ST8SIA4: variants seen among roughly 807,000 people sequenced by gnomAD.
ST8SIA4 encodes ST8 alpha-N-acetyl-neuraminide alpha-2,8-sialyltransferase 4.
In ST8SIA4, 15 loss-of-function variants were observed where a neutral mutation model predicts 33.9. The observed-to-expected ratio is 0.44, with a 90% CI of 0.30 to 0.68. ST8SIA4 has a LOEUF of 0.68. Among genes scored for constraint, ST8SIA4 ranks in the 30% least tolerant of loss-of-function variants. The pLI is 0.10. For missense variants in ST8SIA4, 321 were observed against 428.0 expected (o/e 0.75, Z 2.21); for synonymous variants, 171 against 151.2 (o/e 1.13, Z -0.96).
intron 3 of ST8SIA4, among the ~76,000 whole-genome samples, chr5:100,865,421 C>A (rs1173545199): frequency 6.6e-6 from 1 of 152,104 alleles, no homozygotes; most frequent in Non-Finnish European, 1.5e-5. Flanking sequence ...TGTTACTAGA[C>A]ATATTCTCTC....
intron 4 of ST8SIA4, among the ~76,000 whole-genome samples, chr5:100,817,389 C>A (rs1410037084): frequency 6.6e-6 from 1 of 152,002 alleles, no homozygotes; most frequent in Admixed American, 6.6e-5. Flanking sequence ...TCAAAAATCA[C>A]AGTATGGAGC....
At chr5:100,820,237 T>C (rs1751009632) in intron 4 of ST8SIA4, among the ~76,000 whole-genome samples, 1 of 152,130 alleles carries the variant, frequency 6.6e-6, no homozygotes, top group Non-Finnish European at 1.5e-5. Flanking sequence ...TTCATCCAAC[T>C]ATAGCAGTAG....
In ST8SIA4 at chr5:100,872,861, C is replaced by T. The variant is rs1156935070; in HGVS notation, c.503+13482G>A. 2.1e-5 allele frequency among the ~76,000 whole-genome samples: 3 copies of T among 144,194 alleles called. No homozygotes were observed. The Admixed American group carries it at 2.1e-4, about 10-fold the overall frequency. 94.6% of individuals were successfully genotyped at this position (144,194 alleles called of 152,430 possible). On this transcript the variant is annotated intron_variant, in intron 3 of 4. Coordinates refer to ENST00000231461, the MANE Select transcript of ST8SIA4 (RefSeq NM_005668.6). ...AGTGTACCAATCTTGGTGCTAGGTC[C>T]TAAAGATATGGGCTAAAAAAAAAAA...
chr5:100,866,333 C>T (rs1378708552), intron 3 of ST8SIA4, among the ~76,000 whole-genome samples: 1 of 151,862 alleles, frequency 6.6e-6, no homozygotes, highest in African/African-American at 2.4e-5. Flanking sequence ...AAATATTTGC[C>T]AAAATGAATG....
At chr5:100,895,587 G>T in intron 2 of ST8SIA4, 67 bp downstream of exon 2, 3 of 1,504,234 alleles carry the variant, frequency 2.0e-6, no homozygotes, top group Non-Finnish European at 2.7e-6. Context: ...TTGAATACAA[G>T]TTTGCCAAGC....
chr5:100,816,487 A>G (rs764427301), intron 4 of ST8SIA4: 2 of 523,736 alleles, frequency 3.8e-6, no homozygotes, highest in African/African-American at 3.9e-5. Context: ...TAGAAGTATT[A>G]CATTGGTGCA....
chr5:100,849,211 C>T, intron 4 of ST8SIA4: 2 of 985,242 alleles, frequency 2.0e-6, no homozygotes, highest in Non-Finnish European at 2.4e-6. Context: ...GGACAAAGTT[C>T]AGAACCAGTG....
chr5:100,872,176 T>C (rs1226632497), intron 3 of ST8SIA4, among the ~76,000 whole-genome samples: 1 of 152,072 alleles, frequency 6.6e-6, no homozygotes, highest in Non-Finnish European at 1.5e-5. Context: ...AGTTATATTC[T>C]TTTTAAAAAA....
At chr5:100,872,016 C>T (rs1282859441) in intron 3 of ST8SIA4, among the ~76,000 whole-genome samples, 1 of 152,006 alleles carries the variant, frequency 6.6e-6, no homozygotes, top group Non-Finnish European at 1.5e-5. Context: ...CTCTTATGTA[C>T]TAATTTTGAA....
intron 4 of ST8SIA4, among the ~76,000 whole-genome samples, chr5:100,853,647 A>T (rs1751749367): frequency 6.6e-6 from 1 of 152,244 alleles, no homozygotes; most frequent in African/African-American, 2.4e-5. Context: ...AAAAGTGAAT[A>T]GGACAAAAGA....
At chr5:100,887,292 T>G (rs1752559790) in intron 2 of ST8SIA4, among the ~76,000 whole-genome samples, 1 of 152,074 alleles carries the variant, frequency 6.6e-6, no homozygotes, top group African/African-American at 2.4e-5. Flanking sequence ...TTTTTTCTCT[T>G]CTTCCTTCTA....
intron 1 of ST8SIA4, 44 bp downstream of exon 1, chr5:100,902,799 G>C (rs765441809): frequency 2.0e-6 from 3 of 1,503,228 alleles, no homozygotes; most frequent in Non-Finnish European, 2.8e-6. Flanking sequence ...TTTCATTTAT[G>C]GCTTGACTTT....
intron 3 of ST8SIA4, among the ~76,000 whole-genome samples, chr5:100,864,654 G>T (rs1352333298): frequency 6.6e-6 from 1 of 151,394 alleles, no homozygotes; most frequent in Non-Finnish European, 1.5e-5. Flanking sequence ...TACTAATGCG[G>T]GGAGGTATCT....
chr5:100,827,800 T>C (rs975940330), intron 4 of ST8SIA4, among the ~76,000 whole-genome samples: 5 of 152,154 alleles, frequency 3.3e-5, no homozygotes, highest in African/African-American at 1.2e-4. Context: ...GTCACTCTAG[T>C]TCCTCCCTAA....
In ST8SIA4 at chr5:100,902,960, G is replaced by A. The variant is rs763266322; in HGVS notation, c.-5C>T. On this transcript the variant is annotated 5_prime_UTR_variant, in exon 1 of 5. Coordinates refer to ENST00000231461, the MANE Select transcript of ST8SIA4 (RefSeq NM_005668.6). Reference sequence around the variant, plus strand: ...CCTCTTCCTAATGGAGCGCATCTTGGGTGCCCGAGAAAGTCCTGGTTGCCC... The same window carrying A: ...CCTCTTCCTAATGGAGCGCATCTTGAGTGCCCGAGAAAGTCCTGGTTGCCC... 6.2e-7 allele frequency: 1 copy of A among 1,612,776 alleles called. No individual in the cohort carries two copies. The highest frequency in any genetic ancestry group is 1.7e-5 in the Admixed American group (1 of 60,016).
At chr5:100,886,184 C>A (rs1258806229) in intron 3 of ST8SIA4, 159 bp downstream of exon 3, 3 of 1,423,602 alleles carry the variant, frequency 2.1e-6, no homozygotes, top group Non-Finnish European at 2.7e-6. Flanking sequence ...ATATTCTATT[C>A]CAGGGTAAAT....
rs1302743146 is a variant in ST8SIA4 at position 100,807,331 on chromosome 5, T to A, written c.*4516A>T. On this transcript the variant is annotated 3_prime_UTR_variant, in exon 5 of 5. Coordinates refer to ENST00000231461, the MANE Select transcript of ST8SIA4 (RefSeq NM_005668.6). ...CTTGAACTTGACAGAATAAACCTCA[T>A]CTTTCAGTTCCACAAATTCTATAAG... 2 of 152,550 alleles carry A rather than the reference T, an allele frequency of 1.3e-5. No homozygotes were observed. Among genetic ancestry groups the A allele is most frequent in the Non-Finnish European group, 2.9e-5 (2 of 67,962 alleles). 9.4% of individuals were successfully genotyped at this position (152,550 alleles called of 1,614,324 possible). A position where few individuals can be genotyped will look rare whatever the true frequency, so the allele number is the denominator to read the frequency against.
chr5:100,864,867 T>G (rs1257923318), intron 3 of ST8SIA4, among the ~76,000 whole-genome samples: 1 of 152,242 alleles, frequency 6.6e-6, no homozygotes, highest in Non-Finnish European at 1.5e-5. Flanking sequence ...TATTATTTAA[T>G]TTGACTACTT....
At chr5:100,896,685 C>T (rs1478067483) in intron 1 of ST8SIA4, among the ~76,000 whole-genome samples, 4 of 152,012 alleles carry the variant, frequency 2.6e-5, no homozygotes, top group Admixed American at 1.3e-4. Flanking sequence ...CATTGTATCC[C>T]GTAAATATAT....
Sources: gnomAD v4.1 joint callset for allele counts (sites outside exome capture counted in the v4.1 genomes callset) on GRCh38, gnomAD v4.1.1 for gene constraint, MANE v1.5 for transcripts, NCBI Gene and HGNC (gene_info 2026-07-23, HGNC 2026-07-21) for gene names.